The following PCDHA2 variants were observed in gnomAD, a reference collection of about 807,000 sequenced individuals.
PCDHA2 encodes protocadherin alpha 2, also known as protocadherin alpha-2.
PCDHA2 carries 58 observed loss-of-function variants against 66.0 expected under a neutral mutation model. That is an observed-to-expected ratio of 0.88 (90% CI 0.71 to 1.09). PCDHA2 has a LOEUF of 1.09. PCDHA2 is among the 50% of genes least tolerant of loss of function. The pLI, the probability that PCDHA2 is intolerant of heterozygous loss-of-function variation, is 0.00. For synonymous variants in PCDHA2, 634 were observed against 554.0 expected (o/e 1.14, Z -2.03); for missense variants, 1,267 against 1,242.3 (o/e 1.02, Z -0.30).
chr5:140,821,929 G>A (rs2150112109), intron 1 of PCDHA2: 2 of 1,614,194 alleles, frequency 1.2e-6, no homozygotes, highest in Non-Finnish European at 1.7e-6. Context: ...GCAGGACCTA[G>A]GGCTGGAGCT....
chr5:141,008,526 G>A (rs2153997518), intron 3 of PCDHA2, among the ~76,000 whole-genome samples: 1 of 152,126 alleles, frequency 6.6e-6, no homozygotes, highest in Non-Finnish European at 1.5e-5. Flanking sequence ...TCAGACTCTT[G>A]GGAATGTCTT....
At chr5:140,880,861 T>C (rs1416708298) in intron 1 of PCDHA2, among the ~76,000 whole-genome samples, 1 of 152,188 alleles carries the variant, frequency 6.6e-6, no homozygotes, top group African/African-American at 2.4e-5. Context: ...AGTCTAATTA[T>C]GTGAAGAGGT....
chr5:141,010,136 CTCTT>C lies in PCDHA2; in HGVS notation c.*203_*206del, dbSNP rs782073868. The C allele has an allele frequency of 1.9e-6, 3 of 1,594,824 alleles. No homozygotes were observed. Among genetic ancestry groups the C allele is most frequent in the Non-Finnish European group, 2.6e-6 (3 of 1,169,724 alleles). On this transcript the variant is annotated 3_prime_UTR_variant, in exon 4 of 4. Transcript: ENST00000526136. ...AAAGCTTTACTAAGTCTGGTGTTAACTCTTTCTCTCCACTCTGGCTTGTTTTCAG... is the reference window on the plus strand; with the variant it reads ...AAAGCTTTACTAAGTCTGGTGTTAACTCTCTCCACTCTGGCTTGTTTTCAG...
chr5:140,966,951 C>G lies in PCDHA2; in HGVS notation c.2389-11998C>G, dbSNP rs781885198. 3.1e-5 allele frequency: 50 copies of G among 1,603,624 alleles called. No individual in the cohort carries two copies. The highest frequency in any genetic ancestry group is 4.2e-5 in the Non-Finnish European group (50 of 1,178,520). The stretch of plus-strand genomic sequence containing the variant: ...CCCGGCGCGCTCGTGGGCAACGTGG[C>G]TCGCGCGCTGGGGCTTGAGCTGCGG... On this transcript the variant is annotated intron_variant, in intron 1 of 3. Coordinates refer to ENST00000526136, the MANE Select transcript of PCDHA2 (RefSeq NM_018905.3).
In PCDHA2 at chr5:141,010,283, C is replaced by T. The variant is rs1554262872; in HGVS notation, c.*346C>T. ...TGCTCCGGGGATCCTGTCTTGATGACACTTGCAGGGCAGGCTGAAAAGTTT... is the reference window on the plus strand; with the variant it reads ...TGCTCCGGGGATCCTGTCTTGATGATACTTGCAGGGCAGGCTGAAAAGTTT... On this transcript the variant is annotated 3_prime_UTR_variant, in exon 4 of 4. Transcript: ENST00000526136. 6.4e-7 allele frequency: 1 copy of T among 1,551,220 alleles called. No individual in the cohort carries two copies. The highest frequency in any genetic ancestry group is 1.4e-5 in the African/African-American group (1 of 73,110).
At chr5:140,929,268 A>G (rs1303371377) in intron 1 of PCDHA2, 1 of 1,611,476 alleles carries the variant, frequency 6.2e-7, no homozygotes, top group Non-Finnish European at 8.5e-7. Flanking sequence ...TGAATTTGCC[A>G]ATATCCTGTA....
chr5:140,881,353 G>A (rs537796043), intron 1 of PCDHA2: 1 of 985,178 alleles, frequency 1.0e-6, no homozygotes, highest in East Asian at 1.1e-4. Flanking sequence ...GCTACAATGC[G>A]TGGCTTTCGT....
chr5:140,836,593 C>T, intron 1 of PCDHA2: 1 of 1,613,672 alleles, frequency 6.2e-7, no homozygotes, highest in Non-Finnish European at 8.5e-7. Context: ...TTGGTAAAGC[C>T]CACTCTGGTG....
rs965761415 is a variant in PCDHA2, at chr5:140,845,214, T to C, written c.2388+47862T>C. 9.4e-5 allele frequency among the ~76,000 whole-genome samples: 14 copies of C among 149,518 alleles called. 1 individual carries two copies. The highest frequency in any genetic ancestry group is 1.3e-4 in the Non-Finnish European group (9 of 66,830). On this transcript the variant is annotated intron_variant, in intron 1 of 3. Coordinates refer to ENST00000526136, the MANE Select transcript of PCDHA2 (RefSeq NM_018905.3). ...ATGATTGTTTTCATTTAAGTCCTTT[T>C]AAAAAATATGATTATCTTTATTATC... is the stretch of plus-strand genomic sequence containing the variant.
intron 1 of PCDHA2, chr5:140,843,009 C>A: frequency 6.3e-7 from 1 of 1,595,058 alleles, no homozygotes; most frequent in Non-Finnish European, 8.6e-7. Flanking sequence ...GACAACGCGC[C>A]GGCACTGCTG....
chr5:140,889,403 C>T (rs1246037388), intron 1 of PCDHA2, among the ~76,000 whole-genome samples: 1 of 151,882 alleles, frequency 6.6e-6, no homozygotes, highest in Non-Finnish European at 1.5e-5. Flanking sequence ...TTAATTTACT[C>T]GAGTCAGTTA....
chr5:141,006,794 A>G (rs1416356472), intron 3 of PCDHA2, among the ~76,000 whole-genome samples: 1 of 152,160 alleles, frequency 6.6e-6, no homozygotes, highest in African/African-American at 2.4e-5. Context: ...ATTAGCTTTG[A>G]ACTTTCTGGC....
chr5:140,870,260 G>C, intron 1 of PCDHA2: 3 of 1,614,200 alleles, frequency 1.9e-6, no homozygotes, highest in Non-Finnish European at 2.5e-6. Flanking sequence ...CAGGTGACCT[G>C]CTCGCTGACG....
intron 1 of PCDHA2, chr5:140,861,317 C>T (rs1369177112): frequency 4.6e-6 from 1 of 217,818 alleles, no homozygotes; most frequent in Admixed American, 5.2e-5. Context: ...GGACCAGTTC[C>T]ACTACACCAT....
chr5:140,965,672 A>G (rs1586083629), intron 1 of PCDHA2, among the ~76,000 whole-genome samples: 1 of 152,360 alleles, frequency 6.6e-6, no homozygotes, highest in South Asian at 2.1e-4. Context: ...TGATAAATGT[A>G]AAAGATTTGA....
Position 140,858,257 on chromosome 5 carries a change from C to CTG in PCDHA2, c.2388+60906_2388+60907dup, listed in dbSNP as rs1554151340. 2 of 1,596,552 alleles carry CTG rather than the reference C, an allele frequency of 1.3e-6. 1 individual carries two copies. Among genetic ancestry groups the CTG allele is most frequent in the African/African-American group, 2.7e-5 (2 of 74,280 alleles). ...CGCATGTGGGCCGGTGAAGCCCACGCTGGTGTGCTCTAGCGCGGTGGGGAG... is the reference window on the plus strand; with the variant it reads ...CGCATGTGGGCCGGTGAAGCCCACGCTGTGGTGTGCTCTAGCGCGGTGGGGAG... On this transcript the variant is annotated intron_variant, in intron 1 of 3. Coordinates refer to ENST00000526136, the MANE Select transcript of PCDHA2 (RefSeq NM_018905.3).
At position 140,796,004 on chromosome 5, in the gene PCDHA2, C is replaced by A. The variant is rs782767651; in HGVS notation, c.1040C>A (p.Thr347Lys). The A allele has an allele frequency of 6.2e-7, 1 of 1,614,148 alleles. No homozygotes were observed. The highest frequency in any genetic ancestry group is 8.5e-7 in the Non-Finnish European group (1 of 1,179,976). ...AAACTTGTGGACATCAATGATAACA[C>A]ACCAGAAGTCTCAATAACGTCTCTC... ...SLKLVDINDN[T>K]PEVSITSLSL... is the part of the protein sequence containing the mutation. The change falls in exon 1 of 4, where the codon ACA becomes AAA. Residue 347 changes from threonine (T) to lysine (K), a missense_variant. Transcript: ENST00000526136.
chr5:140,858,158 G>T lies in PCDHA2; in HGVS notation c.2388+60806G>T, dbSNP rs781899082. The T allele has an allele frequency of 5.6e-6, 9 of 1,597,732 alleles. 3 individuals carry two copies. Among genetic ancestry groups the T allele is most frequent in the Non-Finnish European group, 7.7e-6 (9 of 1,167,532 alleles). ...CGTGTACCTGATCATCGCCATCTGC[G>T]CGGTGTCCAGCTTGCTGGTGCTCAC... On this transcript the variant is annotated intron_variant, in intron 1 of 3. Coordinates refer to ENST00000526136, the MANE Select transcript of PCDHA2 (RefSeq NM_018905.3).
intron 1 of PCDHA2, chr5:140,803,415 G>C (rs1763194782): frequency 6.2e-7 from 1 of 1,614,110 alleles, no homozygotes; most frequent in South Asian, 1.1e-5. Context: ...GCCCACGCTG[G>C]TGTGCTCCAG....
Sources: allele counts gnomAD v4.1 joint callset (sites outside exome capture counted in the v4.1 genomes callset), GRCh38; gene constraint gnomAD v4.1.1; transcripts MANE v1.5; gene names NCBI Gene and HGNC (gene_info 2026-07-23, HGNC 2026-07-21).